Variants in EPHA6 observed in about 807,000 individuals in gnomAD.
EPHA6 encodes EPH receptor A6, also known as ephrin type-A receptor 6.
A neutral mutation model predicts 112.0 loss-of-function variants in EPHA6; 50 were observed. The ratio of observed to expected loss-of-function variants is 0.45; its 90% CI spans 0.36 to 0.56. The LOEUF (loss-of-function observed/expected upper bound fraction) is 0.56, where lower values mean the gene tolerates loss of function less well. Ranked by LOEUF, EPHA6 falls within the 20% of genes least tolerant of loss-of-function variation. The pLI, the probability that EPHA6 is intolerant of heterozygous loss-of-function variation, is 0.00. For missense variants in EPHA6, 1,280 were observed against 1,417.4 expected (o/e 0.90, Z 1.56); for synonymous variants, 529 against 490.7 (o/e 1.08, Z -1.03).
intron 2 of EPHA6, among the ~76,000 whole-genome samples, chr3:96,930,044 A>T (rs780731455): frequency 1.4e-4 from 21 of 152,100 alleles, no homozygotes; most frequent in Admixed American, 2.6e-4. Context: ...TGAAGTTCTT[A>T]TAGTGTGTTT....
chr3:97,475,467 G>T lies in EPHA6; in HGVS notation c.2003+7G>T. The T allele has an allele frequency of 1.3e-6, 2 of 1,573,758 alleles. No homozygotes were observed. The highest frequency in any genetic ancestry group is 2.2e-5 in the South Asian group (2 of 89,208). On this transcript the variant is annotated splice_region_variant and intron_variant, in intron 8 of 17. Coordinates refer to ENST00000389672, the MANE Select transcript of EPHA6 (RefSeq NM_001080448.3). ...TCTTCTTGATCACTGGGAGGTAACTGAAACATACCATACTATTTCCGAGAT... is the reference window on the plus strand; with the variant it reads ...TCTTCTTGATCACTGGGAGGTAACTTAAACATACCATACTATTTCCGAGAT...
intron 5 of EPHA6, among the ~76,000 whole-genome samples, chr3:97,263,664 C>T (rs1271751954): frequency 1.3e-5 from 2 of 151,942 alleles, no homozygotes; most frequent in African/African-American, 4.8e-5. Context: ...TATTAAGTCA[C>T]AGAATTTTGT....
chr3:96,960,510 C>A (rs141004207), intron 2 of EPHA6, among the ~76,000 whole-genome samples: 30 of 152,234 alleles, frequency 2.0e-4, no homozygotes, highest in Non-Finnish European at 2.5e-4. Context: ...AACTAGGGAA[C>A]GATTTTATAA....
intron 3 of EPHA6, among the ~76,000 whole-genome samples, chr3:97,064,676 G>A (rs371062661): frequency 5.3e-5 from 8 of 152,268 alleles, no homozygotes; most frequent in East Asian, 1.9e-4. Context: ...TATTAGTGCC[G>A]TTTAGAGGTA....
intron 5 of EPHA6, among the ~76,000 whole-genome samples, chr3:97,329,683 A>C (rs1174385583): frequency 6.6e-6 from 1 of 151,858 alleles, no homozygotes; most frequent in African/African-American, 2.4e-5. Context: ...TTTCTTGTAA[A>C]TTTGTTTGAG....
At chr3:97,710,175 C>T (rs1299256972) in intron 14 of EPHA6, among the ~76,000 whole-genome samples, 1 of 152,192 alleles carries the variant, frequency 6.6e-6, no homozygotes, top group Non-Finnish European at 1.5e-5. Context: ...CATCCTTTCC[C>T]TAGAGTGATG....
chr3:97,405,187 A>T lies in EPHA6; in HGVS notation c.1644A>T (p.Ala548=). The change falls in exon 6 of 18, where the codon GCA becomes GCT. Residue 548 remains alanine (A), a synonymous_variant. Coordinates refer to ENST00000389672, the MANE Select transcript of EPHA6 (RefSeq NM_001080448.3). ...TAGGTGTGGTAAGGAAGGACTGGGC[A>T]TCCCAAAATAGCATTGCCCTATCAT... ...SLIGVVRKDW[A]SQNSIALSWQ... is the part of the protein sequence containing the mutation. 1 of 1,605,710 alleles carries T rather than the reference A, an allele frequency of 6.2e-7. No homozygotes were observed. The highest frequency in any genetic ancestry group is 8.5e-7 in the Non-Finnish European group (1 of 1,175,392).
chr3:97,729,559 A>G (rs2034939905), intron 15 of EPHA6, among the ~76,000 whole-genome samples: 2 of 152,058 alleles, frequency 1.3e-5, no homozygotes, highest in Admixed American at 1.3e-4. Context: ...ATTACCTGCC[A>G]CTGGGTTCCT....
intron 14 of EPHA6, among the ~76,000 whole-genome samples, chr3:97,640,085 A>G (rs1354411108): frequency 6.6e-6 from 1 of 152,168 alleles, no homozygotes; most frequent in African/African-American, 2.4e-5. Context: ...TAGAAGGTTC[A>G]TGCTGCCTTG....
At chr3:97,400,140 G>A (rs1203503490) in intron 5 of EPHA6, among the ~76,000 whole-genome samples, 1 of 151,562 alleles carries the variant, frequency 6.6e-6, no homozygotes. Flanking sequence ...TAGGTATCTA[G>A]TTTCATTTTC....
At position 97,758,917 on chromosome 3, in the gene EPHA6, A is replaced by G. The variant is rs2036089817; in HGVS notation, c.*10216A>G. On this transcript the variant is annotated 3_prime_UTR_variant, in exon 18 of 18. Transcript: ENST00000389672. ...GGCAAAAAGAGGAGAAGGTATACGC[A>G]TGAGGCTACTGGAGTAATTCCAGCA... Among the ~76,000 whole-genome samples, 1 of 152,002 alleles carries G rather than the reference A, an allele frequency of 6.6e-6. No homozygotes were observed. The highest frequency in any genetic ancestry group is 6.6e-5 in the Admixed American group (1 of 15,264).
intron 13 of EPHA6, among the ~76,000 whole-genome samples, chr3:97,620,733 G>T (rs1240590516): frequency 2.6e-5 from 4 of 151,994 alleles, no homozygotes; most frequent in African/African-American, 9.7e-5. Flanking sequence ...ACACCAGTCA[G>T]AATGGCTATT....
intron 3 of EPHA6, among the ~76,000 whole-genome samples, chr3:97,148,673 A>G (rs1017991261): frequency 2.0e-5 from 3 of 152,100 alleles, no homozygotes; most frequent in Non-Finnish European, 4.4e-5. Flanking sequence ...GATTTTGCCA[A>G]AAATGTTGCA....
chr3:97,143,138 A>G (rs1218152361), intron 3 of EPHA6, among the ~76,000 whole-genome samples: 1 of 151,706 alleles, frequency 6.6e-6, no homozygotes, highest in Non-Finnish European at 1.5e-5. Context: ...TGAGAACCAA[A>G]TCAATAACAC....
At chr3:97,117,462 C>A (rs1488692212) in intron 3 of EPHA6, among the ~76,000 whole-genome samples, 2 of 151,614 alleles carry the variant, frequency 1.3e-5, no homozygotes, top group African/African-American at 4.8e-5. Flanking sequence ...AGTATGTTTG[C>A]ATCTTTATTT....
intron 2 of EPHA6, among the ~76,000 whole-genome samples, chr3:96,871,028 G>A (rs547874342): frequency 6.6e-6 from 1 of 151,894 alleles, no homozygotes; most frequent in Admixed American, 6.6e-5. Flanking sequence ...ATTTCTGTTG[G>A]TGAATATGGA....
intron 3 of EPHA6, among the ~76,000 whole-genome samples, chr3:97,196,641 G>A (rs1003010966): frequency 1.1e-4 from 17 of 151,944 alleles, no homozygotes; most frequent in Non-Finnish European, 2.2e-4. Flanking sequence ...AGTATTCAAC[G>A]GGAATTGAGT....
chr3:97,717,154 C>A (rs1326916077), intron 14 of EPHA6, among the ~76,000 whole-genome samples: 1 of 150,642 alleles, frequency 6.6e-6, no homozygotes, highest in Non-Finnish European at 1.5e-5. Flanking sequence ...TTTCTTGAAC[C>A]CAGGAGGCAG....
chr3:97,748,181 C>G (rs541203236), intron 17 of EPHA6, among the ~76,000 whole-genome samples: 11 of 152,120 alleles, frequency 7.2e-5, no homozygotes, highest in African/African-American at 2.6e-4. Flanking sequence ...CATATTATAC[C>G]TTCCATCCTA....
Sources: allele counts gnomAD v4.1 joint callset (sites outside exome capture counted in the v4.1 genomes callset), GRCh38; gene constraint gnomAD v4.1.1; transcripts MANE v1.5; gene names NCBI Gene and HGNC (gene_info 2026-07-23, HGNC 2026-07-21).